Variants in TAP2 observed in about 807,000 individuals in gnomAD.
The protein encoded by TAP2 is antigen peptide transporter 2.
TAP2 carries 49 observed loss-of-function variants against 74.7 expected under a neutral mutation model. The ratio of observed to expected loss-of-function variants is 0.66; its 90% CI spans 0.52 to 0.83. The LOEUF (loss-of-function observed/expected upper bound fraction) is 0.83, where lower values mean the gene tolerates loss of function less well. Ranked by LOEUF, TAP2 falls within the 40% of genes least tolerant of loss-of-function variation. TAP2 has a pLI of 0.00. For synonymous variants in TAP2, 306 were observed against 368.4 expected, an observed-to-expected ratio of 0.83 and a Z score of 1.94; for missense variants, 739 against 859.0, an observed-to-expected ratio of 0.86 and a Z score of 1.75.
At position 32,826,380 on chromosome 6, in the gene TAP2, G is replaced by A. The variant is rs759811150; in HGVS notation, c.*2526C>T. ...TAGAAAGAATAAGGCATGCCTGGGT[G>A]GGAAAGATACTGCAGGTAAGCGACA... On this transcript the variant is annotated 3_prime_UTR_variant, in exon 12 of 12. Coordinates refer to ENST00000374897, the MANE Select transcript of TAP2 (RefSeq NM_001290043.2). 26 of 985,264 alleles carry A rather than the reference G, an allele frequency of 2.6e-5. No homozygotes were observed. Among genetic ancestry groups the A allele is most frequent in the Non-Finnish European group, 3.0e-5 (25 of 829,948 alleles). The allele number at this position is 985,264 out of a possible 1,614,324, so 61.0% of individuals were successfully genotyped here.
Position 32,826,052 on chromosome 6 carries a change from C to T in TAP2, c.*2854G>A. On this transcript the variant is annotated 3_prime_UTR_variant, in exon 12 of 12. Coordinates refer to ENST00000374897, the MANE Select transcript of TAP2 (RefSeq NM_001290043.2). ...TTCAAAACCCAGTTTCTTCTGGGAC[C>T]ATTAGATGGCATCAGACTCAAGCAG... 8 of 985,400 alleles carry T rather than the reference C, an allele frequency of 8.1e-6. No homozygotes were observed. In the South Asian group the frequency reaches 3.8e-4, roughly 46 times the overall value. The allele number at this position is 985,400 out of a possible 1,614,324, so 61.0% of individuals were successfully genotyped here. A position where few individuals can be genotyped will look rare whatever the true frequency, so the allele number is the denominator to read the frequency against.
rs146801469 is a variant in TAP2 at position 32,830,406 on chromosome 6, G to A, written c.1496C>T (p.Thr499Met). Residue 499 changes from threonine (T) to methionine (M), a missense_variant, in exon 9 of 12, where the codon ACG becomes ATG. Transcript: ENST00000374897. The part of the protein sequence containing the change: ...LTFTLRPGEV[T>M]ALVGPNGSGK... The stretch of plus-strand genomic sequence containing the variant: ...AGACCCATTGGGTCCCACCAGCGCC[G>A]TCACCTCACCAGGACGTAGGGTAAA... 1.1e-5 allele frequency: 18 copies of A among 1,612,650 alleles called. No individual in the cohort carries two copies. Among genetic ancestry groups the A allele is most frequent in the African/African-American group, 8.0e-5 (6 of 74,774 alleles).
Position 32,827,452 on chromosome 6 carries a change from A to G in TAP2, c.*1454T>C. ...GTGCTCATGGTCTAGTGGAAGGTCA[A>G]AAAAGGTGGGAAAGGGAAGATAGAA... On this transcript the variant is annotated 3_prime_UTR_variant, in exon 12 of 12. Coordinates refer to ENST00000374897, the MANE Select transcript of TAP2 (RefSeq NM_001290043.2). 1.9e-5 allele frequency: 12 copies of G among 626,104 alleles called. No homozygotes were observed. Among genetic ancestry groups the G allele is most frequent in the Non-Finnish European group, 2.4e-5 (12 of 502,320 alleles). The allele number at this position is 626,104 out of a possible 1,614,324, so 38.8% of individuals were successfully genotyped here. A position where few individuals can be genotyped will look rare whatever the true frequency, so the allele number is the denominator to read the frequency against.
chr6:32,832,190 G>T lies in TAP2; in HGVS notation c.1272+143C>A. On this transcript the variant is annotated intron_variant, in intron 7 of 11. Coordinates refer to ENST00000374897, the MANE Select transcript of TAP2 (RefSeq NM_001290043.2). The surrounding 1 kb of genome is among the most constrained non-coding windows in gnomAD (Gnocchi z 5.9). ...TTATTTTGTCTCATTTTTGGCATAT[G>T]TTTAAAATTCTCCATAGCAAAATTA... 8.4e-7 allele frequency: 1 copy of T among 1,195,634 alleles called. No homozygotes were observed. The highest frequency in any genetic ancestry group is 2.2e-5 in the Admixed American group (1 of 44,708). 74.1% of individuals were successfully genotyped at this position (1,195,634 alleles called of 1,614,324 possible).
At chr6:32,829,128 G>C in intron 11 of TAP2, 94 bp from the exon 12 acceptor site, 1 of 1,510,878 alleles carries the variant, frequency 6.6e-7, no homozygotes, top group Non-Finnish European at 8.9e-7. Context: ...GGTAAAGAAG[G>C]TGTGAAATAA....
chr6:32,837,440 G>T, intron 3 of TAP2, 97 bp downstream of exon 3: 1 of 980,274 alleles, frequency 1.0e-6, no homozygotes, highest in Non-Finnish European at 1.6e-6. Flanking sequence ...GTATTTTTGT[G>T]TTTTGCGCCT....
chr6:32,832,502 C>T lies in TAP2; in HGVS notation c.1144-41G>A, dbSNP rs1208203618. On this transcript the variant is annotated intron_variant, in intron 6 of 11. Transcript: ENST00000374897. This position sits in a 1 kb window ranked among gnomAD's most constrained non-coding sequence, Gnocchi z 5.9. Reference sequence around the variant, plus strand: ...AAAGAGATGAGGCTGGGAATCTTCCCATTCTTTCCCCCTCTCTGCCTCTAT... The same window carrying T: ...AAAGAGATGAGGCTGGGAATCTTCCTATTCTTTCCCCCTCTCTGCCTCTAT... 20 of 1,610,976 alleles carry T rather than the reference C, an allele frequency of 1.2e-5. No homozygotes were observed. Among genetic ancestry groups the T allele is most frequent in the Non-Finnish European group, 1.7e-5 (20 of 1,179,062 alleles).
At chr6:32,830,185 G>A (rs922454853) in intron 9 of TAP2, 82 bp downstream of exon 9, 2 of 1,612,038 alleles carry the variant, frequency 1.2e-6, no homozygotes. Flanking sequence ...ATGAACACCT[G>A]GTGCGCCTTC....
chr6:32,837,524 GC>G lies in TAP2; in HGVS notation c.608+12del. 1 of 1,610,830 alleles carries G rather than the reference GC, an allele frequency of 6.2e-7. No individual in the cohort carries two copies. The highest frequency in any genetic ancestry group is 8.5e-7 in the Non-Finnish European group (1 of 1,177,560). ...TTGGGGCTAGCAAATGGACCCAGCTGCCCACCACCTACCTGCCAAAGGAGAA... is the reference window on the plus strand; with the variant it reads ...TTGGGGCTAGCAAATGGACCCAGCTGCCACCACCTACCTGCCAAAGGAGAA... On this transcript the variant is annotated intron_variant, in intron 3 of 11. Coordinates refer to ENST00000374897, the MANE Select transcript of TAP2 (RefSeq NM_001290043.2).
intron 3 of TAP2, among the ~76,000 whole-genome samples, chr6:32,837,095 T>C (rs1769465858): frequency 1.3e-5 from 2 of 152,256 alleles, no homozygotes; most frequent in South Asian, 2.1e-4. Flanking sequence ...AGTAAGATCT[T>C]CAGGGACTGG....
chr6:32,834,900 T>C (rs1482126065), intron 5 of TAP2, among the ~76,000 whole-genome samples: 2 of 152,156 alleles, frequency 1.3e-5, no homozygotes, highest in Non-Finnish European at 2.9e-5. Context: ...CCCCTTCCTA[T>C]TCCCTCCCCC....
At chr6:32,821,884 G>A (rs573674157), downstream of TAP2, 113 of 189,310 alleles carry the variant, frequency 6.0e-4, no homozygotes, top group African/African-American at 2.4e-3. Context: ...AATTTTGCCA[G>A]CTCAAAATAC....
At position 32,825,866 on chromosome 6, in the gene TAP2, C is replaced by G; in HGVS notation, c.*3040G>C. The G allele has an allele frequency of 1.7e-6, 1 of 571,786 alleles. No homozygotes were observed. The highest frequency in any genetic ancestry group is 2.2e-6 in the Non-Finnish European group (1 of 452,792). 35.4% of individuals were successfully genotyped at this position (571,786 alleles called of 1,614,324 possible). On this transcript the variant is annotated 3_prime_UTR_variant, in exon 12 of 12. Transcript: ENST00000374897. The stretch of plus-strand genomic sequence containing the variant: ...GTTTCTAAAACTCCATTTTCTCACT[C>G]TTAGAATTGAGATAGTAATACCTGC...
rs138708621 is a variant in TAP2 at position 32,835,681 on chromosome 6, A to T, written c.701T>A (p.Leu234Gln). 986 of 1,613,108 alleles carry T rather than the reference A, an allele frequency of 6.1e-4. 2 individuals are homozygous for T. The highest frequency in any genetic ancestry group is 7.8e-4 in the Non-Finnish European group (920 of 1,180,038). Residue 234 changes from leucine (L) to glutamine (Q), a missense_variant, in exon 4 of 12, where the codon CTG becomes CAG. Leu to Gln is a moderately radical substitution (Grantham distance 113). Transcript: ENST00000374897. The surrounding 1 kb of genome is among the most constrained non-coding windows in gnomAD (Gnocchi z 4.0). ...RIREQLFSSLLRQDLGFFQET... is the reference protein window; with the variant it reads ...RIREQLFSSLQRQDLGFFQET... ...CTGGAAGAAACCGAGGTCCTGGCGC[A>T]GCAGGGAGGAGAAAAGCTGCTCCCG...
downstream of TAP2, chr6:32,821,920 T>C (rs1457134986): frequency 1.6e-4 from 36 of 222,714 alleles, no homozygotes; most frequent in Non-Finnish European, 6.1e-5. Flanking sequence ...TCAGTGGTGA[T>C]TGACGTCTCA....
chr6:32,822,345 C>G, downstream of TAP2: 3 of 1,447,228 alleles, frequency 2.1e-6, no homozygotes, highest in Non-Finnish European at 2.8e-6. Flanking sequence ...AAAAAAACCC[C>G]TTGATCTTAA....
chr6:32,825,403 A>G (rs570787011), downstream of TAP2: 2 of 152,204 alleles, frequency 1.3e-5, no homozygotes, highest in Admixed American at 1.3e-4. Flanking sequence ...GAAATATGGA[A>G]CTTCCATAAA....
downstream of TAP2, among the ~76,000 whole-genome samples, chr6:32,822,982 C>A (rs577790272): frequency 1.5e-5 from 2 of 137,276 alleles, no homozygotes; most frequent in African/African-American, 2.9e-5. Context: ...TGCAGTGGTG[C>A]GATCTTGGCT....
At chr6:32,833,742 A>C (rs1406228514) in intron 5 of TAP2, among the ~76,000 whole-genome samples, 2 of 152,204 alleles carry the variant, frequency 1.3e-5, no homozygotes, top group Non-Finnish European at 2.9e-5. Flanking sequence ...GTTTGATACG[A>C]TCTGGCTGTG....
Sources: allele counts gnomAD v4.1 joint callset (sites outside exome capture counted in the v4.1 genomes callset), GRCh38; gene constraint gnomAD v4.1.1; non-coding constraint Gnocchi (gnomAD v3.1); transcripts MANE v1.5; gene names NCBI Gene and HGNC (gene_info 2026-07-23, HGNC 2026-07-21).